The following COL25A1 variants were observed in gnomAD, a reference collection of about 807,000 sequenced individuals.
The protein encoded by COL25A1 is collagen type XXV alpha 1 chain, also known as collagen alpha-1(XXV) chain.
A neutral mutation model predicts 128.4 loss-of-function variants in COL25A1; 103 were observed. That is an observed-to-expected ratio of 0.80 (90% CI 0.68 to 0.94). The LOEUF is 0.94. Ranked by LOEUF, COL25A1 falls within the 40% of genes least tolerant of loss-of-function variation. COL25A1 has a pLI of 0.00. For synonymous variants in COL25A1, 279 were observed against 277.2 expected, an observed-to-expected ratio of 1.01 and a Z score of -0.06; for missense variants, 745 against 840.0, an observed-to-expected ratio of 0.89 and a Z score of 1.40.
chr4:109,045,437 T>C (rs779556101), intron 5 of COL25A1, among the ~76,000 whole-genome samples: 10 of 152,218 alleles, frequency 6.6e-5, no homozygotes, highest in Non-Finnish European at 1.5e-4. Flanking sequence ...AACATACTGA[T>C]GATAAACTTA....
chr4:108,832,535 T>A, intron 31 of COL25A1, 102 bp from the exon 32 acceptor site: 1 of 717,122 alleles, frequency 1.4e-6, no homozygotes, highest in Non-Finnish European at 2.4e-6. Context: ...AGAATATCAG[T>A]AAGACAACTC....
chr4:108,956,789 A>G (rs962292793), intron 8 of COL25A1, among the ~76,000 whole-genome samples: 21 of 152,202 alleles, frequency 1.4e-4, no homozygotes, highest in African/African-American at 5.1e-4. Context: ...CTGTTTCTAC[A>G]TCTATATCTC....
chr4:109,060,693 A>C (rs1316363143), intron 3 of COL25A1, among the ~76,000 whole-genome samples: 24 of 151,800 alleles, frequency 1.6e-4, no homozygotes, highest in Non-Finnish European at 2.2e-4. Flanking sequence ...TTTTCAAAAA[A>C]AAAAAAACAA....
intron 5 of COL25A1, among the ~76,000 whole-genome samples, chr4:109,047,934 G>A (rs1368815408): frequency 6.6e-5 from 10 of 151,782 alleles, no homozygotes; most frequent in African/African-American, 7.3e-5. Context: ...GGGTTTCACC[G>A]TGTTAGCCAG....
intron 3 of COL25A1, among the ~76,000 whole-genome samples, chr4:109,151,427 C>G (rs1771494119): frequency 6.6e-6 from 1 of 152,004 alleles, no homozygotes; most frequent in Non-Finnish European, 1.5e-5. Flanking sequence ...AACCTTATGA[C>G]TATTCAATTT....
At chr4:109,139,945 T>A (rs1397249582) in intron 3 of COL25A1, among the ~76,000 whole-genome samples, 1 of 152,072 alleles carries the variant, frequency 6.6e-6, no homozygotes, top group Non-Finnish European at 1.5e-5. Context: ...GTCCTTGTGA[T>A]AGTTTGCCGA....
intron 3 of COL25A1, among the ~76,000 whole-genome samples, chr4:109,159,909 A>G (rs1410617226): frequency 6.6e-6 from 1 of 152,188 alleles, no homozygotes; most frequent in Non-Finnish European, 1.5e-5. Context: ...TACATATAAT[A>G]TAGAGGCAAT....
chr4:108,950,759 T>C (rs1023474478), intron 8 of COL25A1, among the ~76,000 whole-genome samples: 2 of 152,186 alleles, frequency 1.3e-5, no homozygotes, highest in African/African-American at 2.4e-5. Context: ...CATGCATTCC[T>C]TCGTGTGACA....
intron 3 of COL25A1, among the ~76,000 whole-genome samples, chr4:109,110,460 T>C (rs1173305231): frequency 6.6e-6 from 1 of 152,146 alleles, no homozygotes; most frequent in Non-Finnish European, 1.5e-5. Context: ...CTGTTAGCTG[T>C]TTTTCTTGCA....
rs939876274 is a variant in COL25A1, at chr4:108,899,006, T to G, written c.861+148A>C. 4 of 621,702 alleles carry G rather than the reference T, an allele frequency of 6.4e-6. 1 individual carries two copies. The highest frequency in any genetic ancestry group is 1.9e-5 in the African/African-American group (1 of 52,430). 38.5% of individuals were successfully genotyped at this position (621,702 alleles called of 1,614,324 possible). ...ATCTATATATCTATATATCTATATA[T>G]CTATATACCTACCTACCTACCTATT... On this transcript the variant is annotated intron_variant, in intron 15 of 37. Transcript: ENST00000399132.
chr4:109,279,616 TA>T (rs1723176164), intron 3 of COL25A1, among the ~76,000 whole-genome samples: 1 of 152,102 alleles, frequency 6.6e-6, no homozygotes. Flanking sequence ...CCCTCATAAT[TA>T]GAAATAAACT....
intron 6 of COL25A1, among the ~76,000 whole-genome samples, chr4:108,982,227 A>G (rs1753053279): frequency 6.6e-6 from 1 of 152,156 alleles, no homozygotes; most frequent in African/African-American, 2.4e-5. Context: ...AACAAAAAAG[A>G]AATACAATTG....
At chr4:109,058,629 C>A (rs1761664486) in intron 3 of COL25A1, among the ~76,000 whole-genome samples, 2 of 152,000 alleles carry the variant, frequency 1.3e-5, no homozygotes, top group South Asian at 4.2e-4. Context: ...TTGAAATAAT[C>A]TTCATGGAAA....
At position 109,120,051 on chromosome 4, in the gene COL25A1, T is replaced by C. The variant is rs149523414; in HGVS notation, c.368-69872A>G. Among the ~76,000 whole-genome samples, 1,360 of 152,194 alleles carry C rather than the reference T, an allele frequency of 8.9e-3. 14 individuals are homozygous for C. Among genetic ancestry groups the C allele is most frequent in the African/African-American group, 0.022 (903 of 41,546 alleles). On this transcript the variant is annotated intron_variant, in intron 3 of 37. Transcript: ENST00000399132. ...AGAAAAATCACATGGTCTGCATCTA[T>C]AGATTCAGAAAAACCATGTGACAAA...
At chr4:108,956,728 A>G (rs1331335272) in intron 8 of COL25A1, among the ~76,000 whole-genome samples, 1 of 152,172 alleles carries the variant, frequency 6.6e-6, no homozygotes, top group Non-Finnish European at 1.5e-5. Flanking sequence ...TTAATGAAAC[A>G]GTCCTCTCAA....
intron 6 of COL25A1, among the ~76,000 whole-genome samples, chr4:108,977,839 A>G (rs1010191079): frequency 1.3e-5 from 2 of 152,166 alleles, no homozygotes; most frequent in Non-Finnish European, 2.9e-5. Context: ...ATCAAGGTCA[A>G]CTGTTACTAT....
At chr4:108,906,644 G>A (rs11726142) in intron 13 of COL25A1, among the ~76,000 whole-genome samples, 71,295 of 151,836 alleles carry the variant, frequency 0.47, 18,951 homozygotes, top group East Asian at 0.93. Context: ...TAAATGGTAC[G>A]TACTCACATT....
intron 3 of COL25A1, among the ~76,000 whole-genome samples, chr4:109,253,372 G>C (rs74378691): frequency 0.039 from 5,980 of 152,178 alleles, 406 homozygotes; most frequent in African/African-American, 0.14. Context: ...GGTATAAGCT[G>C]CAGTCCAAGT....
chr4:108,955,809 T>C (rs1439500864), intron 8 of COL25A1, among the ~76,000 whole-genome samples: 1 of 152,178 alleles, frequency 6.6e-6, no homozygotes, highest in East Asian at 1.9e-4. Flanking sequence ...AGTTCCTATT[T>C]AGCTTCTAAT....
Sources: gnomAD v4.1 joint callset for allele counts (sites outside exome capture counted in the v4.1 genomes callset) on GRCh38, gnomAD v4.1.1 for gene constraint, MANE v1.5 for transcripts, NCBI Gene and HGNC (gene_info 2026-07-23, HGNC 2026-07-21) for gene names.